The following POLRMT variants were observed in gnomAD, a reference collection of about 807,000 sequenced individuals.
POLRMT encodes the protein RNA polymerase mitochondrial.
Under a neutral mutation model 132.2 loss-of-function variants are expected in POLRMT, and 114 were observed. The observed-to-expected ratio is 0.86, with a 90% CI of 0.74 to 1.01. POLRMT has a LOEUF of 1.01. Ranked by LOEUF, POLRMT falls within the 50% of genes least tolerant of loss-of-function variation. POLRMT has a pLI of 0.00. For synonymous variants in POLRMT, 1,020 were observed against 773.4 expected (o/e 1.32, Z -5.29); for missense variants, 2,003 against 1,729.1 (o/e 1.16, Z -2.81).
At position 625,054 on chromosome 19, in the gene POLRMT, G is replaced by GCAC. The variant is rs1984924320; in HGVS notation, c.953+67_953+69dup. ...TGGGGGTCCCCAGCCCCCAGCCCAGGCACCGTCCCAGATCTTAAAACCCTG... is the reference window on the plus strand; with the variant it reads ...TGGGGGTCCCCAGCCCCCAGCCCAGGCACCACCGTCCCAGATCTTAAAACCCTG... On this transcript the variant is annotated intron_variant, in intron 4 of 20. Transcript: ENST00000588649. The GCAC allele has an allele frequency of 1.9e-6, 3 of 1,547,186 alleles. No homozygotes were observed. In the African/African-American group the frequency reaches 4.1e-5, roughly 21 times the overall value.
In POLRMT at chr19:621,205, G is replaced by A. The variant is rs1157887711; in HGVS notation, c.2493C>T (p.Arg831=). Residue 831 remains arginine (R), a synonymous_variant, in exon 10 of 21, where the codon CGC becomes CGT. Coordinates refer to ENST00000588649, the MANE Select transcript of POLRMT (RefSeq NM_005035.4). ...AATCCAGGCCGTGCGGGCCGAGCGGGCGGCCCTGGGCGAACTCCAGCAGGG... is the reference window on the plus strand; with the variant it reads ...AATCCAGGCCGTGCGGGCCGAGCGGACGGCCCTGGGCGAACTCCAGCAGGG... ...ARALLEFAQG[R]PLGPHGLDWL... 1.8e-5 allele frequency: 29 copies of A among 1,610,304 alleles called. No individual in the cohort carries two copies. Among genetic ancestry groups the A allele is most frequent in the Non-Finnish European group, 2.4e-5 (28 of 1,178,454 alleles).
intron 10 of POLRMT, among the ~76,000 whole-genome samples, 167 bp downstream of exon 10, chr19:620,882 TGGGGGCGCC>T (rs1984487565): frequency 2.1e-5 from 1 of 48,486 alleles, no homozygotes; most frequent in African/African-American, 8.7e-5. Flanking sequence ...GCGGGGGACG[TGGGGGCGCC>T]AGGGGAGGGG....
intron 3 of POLRMT, among the ~76,000 whole-genome samples, chr19:626,658 C>CGTG (rs202171524): frequency 0.051 from 6,355 of 123,658 alleles, 554 homozygotes; most frequent in South Asian, 0.14. Context: ...ATTAGCTGGG[C>CGTG]GTGGTGGCTC....
chr19:626,894 C>T (rs1039716185), intron 3 of POLRMT, among the ~76,000 whole-genome samples: 1 of 142,072 alleles, frequency 7.0e-6, no homozygotes, highest in Non-Finnish European at 1.5e-5. Flanking sequence ...TATACACACA[C>T]ACACATATAT....
At position 617,273 on chromosome 19, in the gene POLRMT, G is replaced by A. The variant is rs749562351; in HGVS notation, c.*1C>T. 32 of 1,612,662 alleles carry A rather than the reference G, an allele frequency of 2.0e-5. No homozygotes were observed. Among genetic ancestry groups the A allele is most frequent in the Middle Eastern group, 3.3e-4 (2 of 5,988 alleles). ...TACACACTGACAAGGCTCACGGGGTGTCAGCTGAAGAAGTAGGTGGAACGC... is the reference window on the plus strand; with the variant it reads ...TACACACTGACAAGGCTCACGGGGTATCAGCTGAAGAAGTAGGTGGAACGC... On this transcript the variant is annotated 3_prime_UTR_variant, in exon 21 of 21. Coordinates refer to ENST00000588649, the MANE Select transcript of POLRMT (RefSeq NM_005035.4).
At chr19:633,325 G>A (rs1212281547) in intron 1 of POLRMT, 100 bp downstream of exon 1, 10 of 1,329,798 alleles carry the variant, frequency 7.5e-6, no homozygotes, top group Middle Eastern at 2.0e-4. Context: ...GCACGCCCAG[G>A]TGCAAAGAGG....
At position 621,746 on chromosome 19, in the gene POLRMT, G is replaced by A. The variant is rs777595686; in HGVS notation, c.1952C>T (p.Pro651Leu). The A allele has an allele frequency of 6.2e-6, 10 of 1,600,686 alleles. No individual in the cohort carries two copies. The highest frequency in any genetic ancestry group is 5.5e-5 in the South Asian group (5 of 91,010). Residue 651 changes from proline (P) to leucine (L), a missense_variant, in exon 10 of 21, where the codon CCC becomes CTC. Pro to Leu is a moderately conservative substitution (Grantham distance 98). Transcript: ENST00000588649. ...GTGCGGCGATGTCCAGGGCAGCGGG[G>A]GGCAAAGCATGGGTACATCCACCGC... ...FEAVDVPMLC[P>L]PLPWTSPHSG...
Position 623,554 on chromosome 19 carries a change from T to A in POLRMT, c.1190A>T (p.Gln397Leu). ...PKLHLPLKTL[Q>L]CLFEKQLHME... ...GTGGAGCTGCTTCTCAAAGAGGCACTGCAGGGTCTTCAAGGGCAGGTGCAG... is the reference window on the plus strand; with the variant it reads ...GTGGAGCTGCTTCTCAAAGAGGCACAGCAGGGTCTTCAAGGGCAGGTGCAG... The change falls in exon 6 of 21, where the codon CAG becomes CTG. Residue 397 changes from glutamine to leucine, a missense_variant. Transcript: ENST00000588649. The A allele has an allele frequency of 6.2e-7, 1 of 1,613,654 alleles. No homozygotes were observed. The highest frequency in any genetic ancestry group is 1.3e-5 in the African/African-American group (1 of 75,062).
Position 628,710 on chromosome 19 carries a change from G to A in POLRMT, c.822+830C>T, listed in dbSNP as rs188920046. On this transcript the variant is annotated intron_variant, in intron 3 of 20. Transcript: ENST00000588649. Reference sequence around the variant, plus strand: ...ACCCTCCAAAACAACCAAGAGTTCCGAGGAGAAACTTTGGCCGGATACGGT... The same window carrying A: ...ACCCTCCAAAACAACCAAGAGTTCCAAGGAGAAACTTTGGCCGGATACGGT... 6.9e-3 allele frequency among the ~76,000 whole-genome samples: 1,043 copies of A among 152,134 alleles called. 16 individuals carry two copies. The highest frequency in any genetic ancestry group is 0.023 in the African/African-American group (934 of 41,496).
intron 6 of POLRMT, among the ~76,000 whole-genome samples, chr19:623,252 C>G (rs1272655043): frequency 6.6e-6 from 1 of 152,262 alleles, no homozygotes; most frequent in Non-Finnish European, 1.5e-5. Flanking sequence ...GAGCGGCAGC[C>G]AGGCTGAGTT....
intron 11 of POLRMT, 100 bp from the exon 12 acceptor site, chr19:620,180 C>G: frequency 1.3e-6 from 2 of 1,489,306 alleles, no homozygotes; most frequent in Non-Finnish European, 1.8e-6. Context: ...GGGCCGTGCA[C>G]CCCCCAGCCA....
rs1984795062 is a variant in POLRMT at position 623,510 on chromosome 19, CCCTGCTGG to C, written c.1226_1233del (p.Ala409GlyfsTer84). 1 of 1,613,302 alleles carries C rather than the reference CCCTGCTGG, an allele frequency of 6.2e-7. No individual in the cohort carries two copies. The highest frequency in any genetic ancestry group is 8.5e-7 in the Non-Finnish European group (1 of 1,180,028). ...GGCTTCTCCACGGACACCACGCACA[CCCTGCTGG>C]CCAGCTCCATGTGGAGCTGCTTCTC... On this transcript the variant is annotated frameshift_variant, in exon 6 of 21. Coordinates refer to ENST00000588649, the MANE Select transcript of POLRMT (RefSeq NM_005035.4). LOFTEE classifies it high-confidence loss of function.
chr19:620,918 CGGGCAGGGGGCGCCAGG>C, intron 10 of POLRMT, 123 bp downstream of exon 10: 1 of 115,372 alleles, frequency 8.7e-6, no homozygotes, highest in Non-Finnish European at 1.4e-5. Flanking sequence ...AGGAGGAAGA[CGGGCAGGGGGCGCCAGG>C]GGAGGGGGAG....
Position 621,090 on chromosome 19 carries a change from C to A in POLRMT, c.2608G>T (p.Asp870Tyr), listed in dbSNP as rs139383492. ...RLAFAEEVMD[D>Y]ILDSADQPLT... ...GGTTGGTCCGCGGAGTCCAGGATGTCATCCATCACCTCCTCCGCAAAGGCC... is the reference window on the plus strand; with the variant it reads ...GGTTGGTCCGCGGAGTCCAGGATGTAATCCATCACCTCCTCCGCAAAGGCC... The change falls in exon 10 of 21, where the codon GAC becomes TAC. Residue 870 changes from aspartate (D) to tyrosine (Y), a missense_variant. By Grantham distance (160) the Asp-to-Tyr change is radical (BLOSUM62 -3). Coordinates refer to ENST00000588649, the MANE Select transcript of POLRMT (RefSeq NM_005035.4). 1.2e-6 allele frequency: 2 copies of A among 1,609,420 alleles called. No individual in the cohort carries two copies. The highest frequency in any genetic ancestry group is 8.5e-7 in the Non-Finnish European group (1 of 1,178,328).
chr19:632,541 G>A (rs1412434784), intron 2 of POLRMT, among the ~76,000 whole-genome samples: 1 of 152,032 alleles, frequency 6.6e-6, no homozygotes, highest in Admixed American at 6.5e-5. Context: ...GGGGCCGGGG[G>A]GGGGGTCTCT....
rs1454758443 is a variant in POLRMT, at chr19:619,976, GTACA to G, written c.2864_2867del (p.Val955AlafsTer35). 6.2e-7 allele frequency: 1 copy of G among 1,600,068 alleles called. No individual in the cohort carries two copies. Among genetic ancestry groups the G allele is most frequent in the Non-Finnish European group, 8.5e-7 (1 of 1,177,168 alleles). On this transcript the variant is annotated frameshift_variant, in exon 12 of 21. Coordinates refer to ENST00000588649, the MANE Select transcript of POLRMT (RefSeq NM_005035.4). LOFTEE classifies it high-confidence loss of function. ...ACCCTACCTGCGCGGCCACGCCGCT[GTACA>G]CGTCCTGCGGCACATCCGAGGGCTC...
At chr19:626,434 G>A (rs1429249293) in intron 3 of POLRMT, among the ~76,000 whole-genome samples, 5 of 151,130 alleles carry the variant, frequency 3.3e-5, no homozygotes, top group Non-Finnish European at 7.4e-5. Context: ...GATTACAGGT[G>A]TGAGCCACCA....
chr19:617,776 C>T lies in POLRMT; in HGVS notation c.3495+1G>A. On this transcript the variant is annotated splice_donor_variant, in intron 18 of 20. Coordinates refer to ENST00000588649, the MANE Select transcript of POLRMT (RefSeq NM_005035.4). LOFTEE classifies it high-confidence loss of function. Reference sequence around the variant, plus strand: ...GACTGAGGCTCAGACTACGGGGGCACCTGGTTCATGACGGAGACATCAGCT... The same window carrying T: ...GACTGAGGCTCAGACTACGGGGGCATCTGGTTCATGACGGAGACATCAGCT... 6.2e-7 allele frequency: 1 copy of T among 1,613,254 alleles called. No homozygotes were observed. The highest frequency in any genetic ancestry group is 8.5e-7 in the Non-Finnish European group (1 of 1,179,858).
In POLRMT at chr19:621,444, G is replaced by C; in HGVS notation, c.2254C>G (p.Pro752Ala). 1 of 1,413,880 alleles carries C rather than the reference G, an allele frequency of 7.1e-7. No individual in the cohort carries two copies. Among genetic ancestry groups the C allele is most frequent in the East Asian group, 3.0e-5 (1 of 32,960 alleles). The allele number at this position is 1,413,880 out of a possible 1,614,324, so 87.6% of individuals were successfully genotyped here. A position where few individuals can be genotyped will look rare whatever the true frequency, so the allele number is the denominator to read the frequency against. The change falls in exon 10 of 21, where the codon CCC becomes GCC. Residue 752 changes from proline (P) to alanine (A), a missense_variant. Physicochemically the swap from Pro to Ala is conservative, Grantham distance 27. Coordinates refer to ENST00000588649, the MANE Select transcript of POLRMT (RefSeq NM_005035.4). ...CGGCGCAGCTCGGCCTTGCGGGCGGGCGCGGCGCTGTGCGGCAGGTGGGCC... is the reference window on the plus strand; with the variant it reads ...CGGCGCAGCTCGGCCTTGCGGGCGGCCGCGGCGCTGTGCGGCAGGTGGGCC... The part of the protein sequence containing the change: ...PEAHLPHSAA[P>A]ARKAELRREL...
Sources: allele counts gnomAD v4.1 joint callset (sites outside exome capture counted in the v4.1 genomes callset), GRCh38; gene constraint gnomAD v4.1.1; transcripts MANE v1.5; gene names NCBI Gene and HGNC (gene_info 2026-07-23, HGNC 2026-07-21).